Variants in NOX4 observed in about 807,000 individuals in gnomAD.
NOX4 encodes NADPH oxidase 4.
Under a neutral mutation model 87.6 loss-of-function variants are expected in NOX4, and 69 were observed. That is an observed-to-expected ratio of 0.79 (90% CI 0.65 to 0.96). The LOEUF is 0.96. Among genes scored for constraint, NOX4 ranks in the 40% least tolerant of loss-of-function variants. The pLI is 0.00. For synonymous variants in NOX4, 275 were observed against 238.2 expected (o/e 1.15, Z -1.42); for missense variants, 680 against 681.5 (o/e 1.00, Z 0.02).
At chr11:89,492,844 T>C (rs753968322), upstream of NOX4, among the ~76,000 whole-genome samples, 3 of 152,172 alleles carry the variant, frequency 2.0e-5, no homozygotes, top group Admixed American at 6.5e-5. Context: ...ATTGGCAGAA[T>C]AGGTTCTTGT....
chr11:89,471,995 G>A (rs1368079189), intron 2 of NOX4, among the ~76,000 whole-genome samples: 1 of 152,112 alleles, frequency 6.6e-6, no homozygotes, highest in African/African-American at 2.4e-5. Flanking sequence ...TCCCACCTTG[G>A]CCTCCCTAAG....
chr11:89,443,815 G>A lies in NOX4; in HGVS notation c.447+320C>T, dbSNP rs572277110. On this transcript the variant is annotated intron_variant, in intron 5 of 17. Coordinates refer to ENST00000263317, the MANE Select transcript of NOX4 (RefSeq NM_016931.5). ...TTATAAAGTATTTTTACCCTGTAAC[G>A]GCACTGTCAACACTCTCAGCTGAAT... The A allele has an allele frequency of 5.7e-5, 12 of 209,530 alleles. No individual in the cohort carries two copies. In the East Asian group the frequency reaches 1.3e-3, roughly 22 times the overall value. 13.0% of individuals were successfully genotyped at this position (209,530 alleles called of 1,614,324 possible). A position where few individuals can be genotyped will look rare whatever the true frequency, so the allele number is the denominator to read the frequency against.
chr11:89,364,309 T>C (rs1409058771), intron 12 of NOX4, among the ~76,000 whole-genome samples: 2 of 151,998 alleles, frequency 1.3e-5, no homozygotes, highest in Non-Finnish European at 2.9e-5. Flanking sequence ...CATACATATA[T>C]ACACACACAT....
intron 11 of NOX4, among the ~76,000 whole-genome samples, chr11:89,397,789 C>T (rs983131179): frequency 6.6e-6 from 1 of 151,976 alleles, no homozygotes; most frequent in Non-Finnish European, 1.5e-5. Context: ...CCTGAAAAGA[C>T]CAATAACAGG....
At chr11:89,329,340 C>A (rs1465684947) in intron 17 of NOX4, among the ~76,000 whole-genome samples, 7 of 98,986 alleles carry the variant, frequency 7.1e-5, no homozygotes, top group Admixed American at 1.1e-4. Flanking sequence ...AATTGAAGCC[C>A]ACAGAGAAAA....
chr11:89,381,586 C>T (rs891232903), intron 11 of NOX4, among the ~76,000 whole-genome samples: 2 of 152,154 alleles, frequency 1.3e-5, no homozygotes, highest in African/African-American at 4.8e-5. Flanking sequence ...CAGACTCAGC[C>T]CATCTGCACC....
the NOX4 span, among the ~76,000 whole-genome samples, chr11:89,510,793 G>T: frequency 6.6e-6 from 1 of 151,902 alleles, no homozygotes; most frequent in Non-Finnish European, 1.5e-5. Context: ...GAGAAATATC[G>T]GTTTGGATCC....
the NOX4 span, among the ~76,000 whole-genome samples, chr11:89,511,201 C>A: frequency 6.6e-6 from 1 of 151,986 alleles, no homozygotes; most frequent in Non-Finnish European, 1.5e-5. Context: ...ATTCAATCAA[C>A]TAATTCACAT....
At chr11:89,400,420 T>C (rs1473838973) in intron 9 of NOX4, 41 bp from the exon 10 acceptor site, 1 of 1,470,536 alleles carries the variant, frequency 6.8e-7, no homozygotes, top group Non-Finnish European at 9.1e-7. Context: ...GAAATACTCA[T>C]ATTGTAGAAA....
intron 12 of NOX4, among the ~76,000 whole-genome samples, chr11:89,371,104 C>G (rs548096574): frequency 6.6e-6 from 1 of 152,070 alleles, no homozygotes; most frequent in Admixed American, 6.6e-5. Context: ...AGAATAAAAA[C>G]CAATGATTCT....
chr11:89,356,317 C>T (rs1227693953), intron 12 of NOX4, among the ~76,000 whole-genome samples: 1 of 150,440 alleles, frequency 6.6e-6, no homozygotes, highest in African/African-American at 2.5e-5. Context: ...CAGGAAAAGA[C>T]CAATAATGAC....
intron 2 of NOX4, among the ~76,000 whole-genome samples, chr11:89,488,375 T>C (rs1219015450): frequency 6.6e-6 from 1 of 151,864 alleles, no homozygotes; most frequent in African/African-American, 2.4e-5. Flanking sequence ...TGAAGTGGGA[T>C]GGAAGTAGAG....
the NOX4 span, among the ~76,000 whole-genome samples, chr11:89,520,257 G>A: frequency 2.0e-5 from 3 of 152,010 alleles, no homozygotes; most frequent in Non-Finnish European, 4.4e-5. Context: ...ATGTAAAGAT[G>A]TATAATGTCA....
intron 8 of NOX4, among the ~76,000 whole-genome samples, chr11:89,416,585 G>A (rs562161547): frequency 1.9e-4 from 29 of 152,190 alleles, no homozygotes; most frequent in South Asian, 1.9e-3. Context: ...AGCACAATAA[G>A]CCGACCCCCA....
intron 2 of NOX4, among the ~76,000 whole-genome samples, chr11:89,456,896 G>T (rs955924434): frequency 2.0e-5 from 3 of 152,186 alleles, no homozygotes; most frequent in Non-Finnish European, 4.4e-5. Context: ...GACCTGGACA[G>T]AACATGGTGG....
At chr11:89,479,191 T>C (rs1202266917) in intron 2 of NOX4, among the ~76,000 whole-genome samples, 1 of 152,138 alleles carries the variant, frequency 6.6e-6, no homozygotes, top group Non-Finnish European at 1.5e-5. Context: ...TAGCAGGGAT[T>C]TTATTCAGTA....
chr11:89,538,609 A>AG, the NOX4 span, among the ~76,000 whole-genome samples: 1 of 152,248 alleles, frequency 6.6e-6, no homozygotes, highest in Non-Finnish European at 1.5e-5. Context: ...GATGCTTCAC[A>AG]GAATGATATG....
intron 8 of NOX4, among the ~76,000 whole-genome samples, chr11:89,411,302 A>T (rs962026465): frequency 6.6e-6 from 1 of 152,124 alleles, no homozygotes; most frequent in Admixed American, 6.5e-5. Context: ...CAAATTCCCA[A>T]CTGTGGTTGT....
the NOX4 span, among the ~76,000 whole-genome samples, chr11:89,578,257 G>T: frequency 2.0e-5 from 3 of 151,950 alleles, no homozygotes; most frequent in African/African-American, 7.3e-5. Context: ...TGCCTCCCGG[G>T]TTCAAGCAAT....
Sources: gnomAD v4.1 joint callset for allele counts (sites outside exome capture counted in the v4.1 genomes callset) on GRCh38, gnomAD v4.1.1 for gene constraint, MANE v1.5 for transcripts, NCBI Gene and HGNC (gene_info 2026-07-23, HGNC 2026-07-21) for gene names.